Variants in NECAB1 observed in about 807,000 individuals in gnomAD.
The protein encoded by NECAB1 is N-terminal EF-hand calcium binding protein 1, also known as N-terminal EF-hand calcium-binding protein 1.
A neutral mutation model predicts 57.5 loss-of-function variants in NECAB1; 29 were observed. That is an observed-to-expected ratio of 0.50 (90% CI 0.38 to 0.69). The LOEUF is 0.69. Ranked by LOEUF, NECAB1 falls within the 30% of genes least tolerant of loss-of-function variation. The probability of loss-of-function intolerance (pLI) is 0.00; values close to 1 mark genes in which losing one functional copy is unlikely to be tolerated. For missense variants in NECAB1, 372 were observed against 413.8 expected, an observed-to-expected ratio of 0.90 and a Z score of 0.88; for synonymous variants, 142 against 147.7, an observed-to-expected ratio of 0.96 and a Z score of 0.28.
At chr8:90,951,040 A>C in intron 11 of NECAB1, 73 bp from the exon 12 acceptor site, 1 of 841,180 alleles carries the variant, frequency 1.2e-6, no homozygotes. Context: ...ATCTTGATCA[A>C]ATTTGATCTC....
intron 3 of NECAB1, among the ~76,000 whole-genome samples, chr8:90,833,390 C>CA (rs5893137): frequency 0.4 from 59,779 of 150,688 alleles, 13,026 homozygotes; most frequent in East Asian, 0.81. Flanking sequence ...CTATTCCTCC[C>CA]AAAAAAAAGC....
At chr8:90,854,138 G>A (rs1264469257) in intron 3 of NECAB1, among the ~76,000 whole-genome samples, 5 of 152,164 alleles carry the variant, frequency 3.3e-5, no homozygotes, top group African/African-American at 1.2e-4. Flanking sequence ...TTATGATGGG[G>A]AGAGTCAATT....
chr8:90,823,307 G>A (rs1411000428), intron 2 of NECAB1, among the ~76,000 whole-genome samples: 1 of 151,710 alleles, frequency 6.6e-6, no homozygotes, highest in Non-Finnish European at 1.5e-5. Context: ...AGATTATTGT[G>A]CCTTTTGTGT....
chr8:90,800,129 T>C (rs928507464), intron 1 of NECAB1, among the ~76,000 whole-genome samples: 2 of 152,232 alleles, frequency 1.3e-5, no homozygotes, highest in African/African-American at 4.8e-5. Context: ...TGCATAGATA[T>C]GCTACTGAGT....
At chr8:90,883,995 C>G (rs1441223671) in intron 5 of NECAB1, among the ~76,000 whole-genome samples, 1 of 151,934 alleles carries the variant, frequency 6.6e-6, no homozygotes, top group East Asian at 1.9e-4. Context: ...AATGGGATTC[C>G]CTGTTTATTA....
intron 2 of NECAB1, among the ~76,000 whole-genome samples, chr8:90,808,858 G>T (rs1188857293): frequency 6.6e-6 from 1 of 151,854 alleles, no homozygotes; most frequent in African/African-American, 2.4e-5. Context: ...TGCTGGTCAG[G>T]CTGGTCTCGA....
chr8:90,925,643 T>A lies in NECAB1; in HGVS notation c.603T>A (p.Asn201Lys). 1 of 1,613,876 alleles carries A rather than the reference T, an allele frequency of 6.2e-7. No individual in the cohort carries two copies. The highest frequency in any genetic ancestry group is 8.5e-7 in the Non-Finnish European group (1 of 1,179,814). The change falls in exon 7 of 13, where the codon AAT (asparagine) becomes AAA (lysine). Residue 201 changes from asparagine (N) to lysine (K), a missense_variant. Coordinates refer to ENST00000417640, the MANE Select transcript of NECAB1 (RefSeq NM_022351.5). ...TCTCCCCAAACAGCCCTCAGTTTAA[T>A]GTCAGCGGTCCAGGTAACATACCCT... ...NSFSPNSPQF[N>K]VSGPGLLEED... is the part of the protein sequence containing the mutation.
chr8:90,918,229 C>G (rs1044064677), intron 6 of NECAB1, among the ~76,000 whole-genome samples: 1 of 151,546 alleles, frequency 6.6e-6, no homozygotes, highest in African/African-American at 2.4e-5. Context: ...TCAGGCTGGT[C>G]TTGAACTCCT....
chr8:90,840,986 A>G (rs1235850292), intron 3 of NECAB1, among the ~76,000 whole-genome samples: 1 of 150,376 alleles, frequency 6.6e-6, no homozygotes, highest in Non-Finnish European at 1.5e-5. Flanking sequence ...AGCCGGGCGC[A>G]GTGGCTCACG....
chr8:90,895,113 G>T (rs1057313010), intron 5 of NECAB1, among the ~76,000 whole-genome samples: 1 of 152,136 alleles, frequency 6.6e-6, no homozygotes. Context: ...ACAAATGTCT[G>T]TTAAGAAAAT....
At chr8:90,823,347 C>T (rs1045575136) in intron 2 of NECAB1, among the ~76,000 whole-genome samples, 7 of 151,676 alleles carry the variant, frequency 4.6e-5, no homozygotes, top group Non-Finnish European at 7.4e-5. Context: ...CAATTTAAAA[C>T]CTTCCAGGAC....
chr8:90,954,322 G>A (rs1408826699), intron 12 of NECAB1, among the ~76,000 whole-genome samples: 4 of 151,924 alleles, frequency 2.6e-5, no homozygotes, highest in African/African-American at 4.8e-5. Context: ...ATTGCATCCA[G>A]ATATGAAAAT....
chr8:90,824,577 T>C, intron 2 of NECAB1, 140 bp from the exon 3 acceptor site: 1 of 477,750 alleles, frequency 2.1e-6, no homozygotes, highest in Non-Finnish European at 3.8e-6. Flanking sequence ...ATTATTTTTC[T>C]TTTTAACACC....
intron 1 of NECAB1, among the ~76,000 whole-genome samples, chr8:90,794,318 T>G (rs1811624639): frequency 6.6e-6 from 1 of 152,202 alleles, no homozygotes; most frequent in African/African-American, 2.4e-5. Flanking sequence ...TTTATTTGAT[T>G]TAATATATTC....
chr8:90,818,169 T>C (rs888735463), intron 2 of NECAB1, among the ~76,000 whole-genome samples: 9 of 152,018 alleles, frequency 5.9e-5, no homozygotes, highest in Middle Eastern at 3.4e-3. Context: ...TGATAATGTG[T>C]GTTTTCTCTC....
intron 5 of NECAB1, among the ~76,000 whole-genome samples, chr8:90,883,966 G>C (rs2129895796): frequency 6.6e-6 from 1 of 152,230 alleles, no homozygotes; most frequent in South Asian, 2.1e-4. Context: ...TTCATCACGT[G>C]CTATGTTATA....
intron 10 of NECAB1, among the ~76,000 whole-genome samples, chr8:90,942,881 C>CA (rs370022506): frequency 2.1e-4 from 31 of 149,838 alleles, no homozygotes; most frequent in Admixed American, 1.0e-3. Flanking sequence ...GACTCTGTTT[C>CA]AAAAAAAAAG....
At chr8:90,866,180 A>C (rs893442916) in intron 3 of NECAB1, among the ~76,000 whole-genome samples, 1 of 152,220 alleles carries the variant, frequency 6.6e-6, no homozygotes, top group Non-Finnish European at 1.5e-5. Context: ...TTGATAATGG[A>C]AACATAATCT....
intron 5 of NECAB1, among the ~76,000 whole-genome samples, chr8:90,896,583 C>T (rs1050350072): frequency 1.2e-4 from 18 of 151,248 alleles, no homozygotes; most frequent in African/African-American, 4.1e-4. Context: ...CCAGCCTGGG[C>T]GACAGAGCGA....
Sources: allele counts gnomAD v4.1 joint callset (sites outside exome capture counted in the v4.1 genomes callset), GRCh38; gene constraint gnomAD v4.1.1; transcripts MANE v1.5; gene names NCBI Gene and HGNC (gene_info 2026-07-23, HGNC 2026-07-21).